The following LRRC4C variants were observed in gnomAD, a reference collection of about 807,000 sequenced individuals.
LRRC4C encodes leucine rich repeat containing 4C.
LRRC4C carries 5 observed loss-of-function variants against 33.6 expected under a neutral mutation model. That is an observed-to-expected ratio of 0.15 (90% CI 0.08 to 0.31). The LOEUF (loss-of-function observed/expected upper bound fraction) is 0.31. LRRC4C is among the 10% of genes least tolerant of loss of function. The pLI is 1.00. For synonymous variants in LRRC4C, 329 were observed against 302.0 expected (o/e 1.09, Z -0.93); for missense variants, 560 against 796.7 (o/e 0.70, Z 3.58).
At chr11:40,496,236 A>G (rs148902145) in intron 3 of LRRC4C, among the ~76,000 whole-genome samples, 10 of 151,512 alleles carry the variant, frequency 6.6e-5, no homozygotes, top group African/African-American at 2.4e-4. Flanking sequence ...AGATTTGGTT[A>G]CTCAGCTCTA....
intron 3 of LRRC4C, among the ~76,000 whole-genome samples, chr11:40,596,129 A>G (rs939946773): frequency 1.3e-5 from 2 of 152,184 alleles, no homozygotes; most frequent in African/African-American, 4.8e-5. Context: ...AAACAATGAC[A>G]GCTGGGTTGG....
At chr11:40,892,027 C>T (rs1051529334) in intron 2 of LRRC4C, among the ~76,000 whole-genome samples, 5 of 148,934 alleles carry the variant, frequency 3.4e-5, no homozygotes, top group Admixed American at 6.8e-5. Context: ...CCCAGCTACT[C>T]GGGAGGCTGA....
chr11:40,835,602 A>G (rs892907530), intron 2 of LRRC4C, among the ~76,000 whole-genome samples: 2 of 152,236 alleles, frequency 1.3e-5, no homozygotes, highest in African/African-American at 4.8e-5. Flanking sequence ...AATTTTTAGC[A>G]TATTATTGAT....
intron 1 of LRRC4C, among the ~76,000 whole-genome samples, chr11:41,071,198 A>G (rs1052498533): frequency 2.6e-5 from 4 of 152,116 alleles, no homozygotes; most frequent in Non-Finnish European, 5.9e-5. Context: ...GAGTTGAACA[A>G]TGAGAACACA....
chr11:40,234,250 A>G (rs1329592327), intron 5 of LRRC4C, among the ~76,000 whole-genome samples: 1 of 152,212 alleles, frequency 6.6e-6, no homozygotes, highest in Non-Finnish European at 1.5e-5. Context: ...ATTTTGTAGA[A>G]TTCTCTCATT....
chr11:40,802,720 A>G lies in LRRC4C; in HGVS notation c.-407+130915T>C, dbSNP rs559149767. On this transcript the variant is annotated intron_variant, in intron 2 of 6. Coordinates refer to ENST00000528697, the MANE Select transcript of LRRC4C (RefSeq NM_001258419.2). ...GAGAAAAAACAGAAATTTAAGCATTATCCCTTGAAGATAAATATCCAAATA... is the reference window on the plus strand; with the variant it reads ...GAGAAAAAACAGAAATTTAAGCATTGTCCCTTGAAGATAAATATCCAAATA... Among the ~76,000 whole-genome samples, 3 of 152,334 alleles carry G rather than the reference A, an allele frequency of 2.0e-5. No individual in the cohort carries two copies. The East Asian group carries it at 5.8e-4, about 29-fold the overall frequency.
rs182302398 is a variant in LRRC4C at position 40,311,434 on chromosome 11, A to G, written c.-176+8194T>C. On this transcript the variant is annotated intron_variant, in intron 4 of 6. Transcript: ENST00000528697. ...CGTGTACTTAATGAGTGAGTGCTCA[A>G]TGAGGACAATGACAACATTGAAAGA... Among the ~76,000 whole-genome samples, 8 of 152,316 alleles carry G rather than the reference A, an allele frequency of 5.3e-5. No homozygotes were observed. The East Asian group carries it at 1.4e-3, about 26-fold the overall frequency.
chr11:40,485,643 T>A (rs1953820529), intron 3 of LRRC4C, among the ~76,000 whole-genome samples: 1 of 151,936 alleles, frequency 6.6e-6, no homozygotes, highest in Admixed American at 6.6e-5. Context: ...AATCCAGCAA[T>A]CCCATTAATG....
chr11:40,947,101 A>G (rs1958439003), intron 1 of LRRC4C, among the ~76,000 whole-genome samples: 1 of 152,140 alleles, frequency 6.6e-6, no homozygotes, highest in African/African-American at 2.4e-5. Flanking sequence ...ATTTCATTGA[A>G]TAACCTTTGG....
chr11:40,142,277 CAAAAAAAAA>C (rs10577509), intron 5 of LRRC4C, among the ~76,000 whole-genome samples: 31 of 60,778 alleles, frequency 5.1e-4, no homozygotes, highest in Admixed American at 2.6e-3. Context: ...GATTCTGTCT[CAAAAAAAAA>C]AAAAAAAAAA....
At chr11:41,001,118 T>A (rs1253073995) in intron 1 of LRRC4C, among the ~76,000 whole-genome samples, 1 of 152,092 alleles carries the variant, frequency 6.6e-6, no homozygotes, top group East Asian at 1.9e-4. Context: ...CCAATTAATA[T>A]TTTTGACTGA....
intron 1 of LRRC4C, among the ~76,000 whole-genome samples, chr11:41,279,428 A>ACACCCCCCCCCCC (rs58139193): frequency 7.1e-6 from 1 of 140,788 alleles, no homozygotes; most frequent in African/African-American, 2.7e-5. Context: ...ACACACACAC[A>ACACCCCCCCCCCC]CCGTGGCAAT....
chr11:41,077,214 T>C (rs1939219182), intron 1 of LRRC4C, among the ~76,000 whole-genome samples: 2 of 152,150 alleles, frequency 1.3e-5, no homozygotes, highest in African/African-American at 4.8e-5. Context: ...TCTGGGGTCT[T>C]GAGGATGGTG....
At chr11:41,024,455 C>T (rs1856203205) in intron 1 of LRRC4C, among the ~76,000 whole-genome samples, 1 of 151,662 alleles carries the variant, frequency 6.6e-6, no homozygotes, top group Non-Finnish European at 1.5e-5. Context: ...AGGGATGGTT[C>T]TAAATCCTCT....
chr11:40,468,587 C>T (rs1389060956), intron 3 of LRRC4C, among the ~76,000 whole-genome samples: 2 of 152,042 alleles, frequency 1.3e-5, no homozygotes, highest in African/African-American at 2.4e-5. Flanking sequence ...GAAACAATAG[C>T]TTAAAGGCGT....
Position 40,734,957 on chromosome 11 carries a change from C to CA in LRRC4C, c.-406-86680dup, listed in dbSNP as rs200434545. On this transcript the variant is annotated intron_variant, in intron 2 of 6. Coordinates refer to ENST00000528697, the MANE Select transcript of LRRC4C (RefSeq NM_001258419.2). ...CAATCAGCTAGGGGCCCATTTAAAA[C>CA]AAAAAAAAGGAGAGAAAAAAATAAT... 1.0e-3 allele frequency among the ~76,000 whole-genome samples: 157 copies of CA among 151,112 alleles called. 2 individuals are homozygous for CA. The East Asian group carries it at 0.02, about 19-fold the overall frequency.
At chr11:40,656,389 C>G (rs1943114027) in intron 2 of LRRC4C, among the ~76,000 whole-genome samples, 1 of 151,630 alleles carries the variant, frequency 6.6e-6, no homozygotes, top group African/African-American at 2.4e-5. Context: ...TTCTGCATCA[C>G]TTCTCAACAA....
chr11:40,945,072 G>T (rs1407841580), intron 1 of LRRC4C, among the ~76,000 whole-genome samples: 3 of 144,022 alleles, frequency 2.1e-5, no homozygotes, highest in African/African-American at 8.0e-5. Context: ...TTGTCGCCCG[G>T]GCTGGAGCGC....
chr11:40,350,738 T>C (rs1565301807), intron 3 of LRRC4C, among the ~76,000 whole-genome samples: 1 of 152,114 alleles, frequency 6.6e-6, no homozygotes, highest in Non-Finnish European at 1.5e-5. Flanking sequence ...GAAATATCTT[T>C]CCATTTATTT....
Sources: allele counts gnomAD v4.1 joint callset (sites outside exome capture counted in the v4.1 genomes callset), GRCh38; gene constraint gnomAD v4.1.1; transcripts MANE v1.5; gene names NCBI Gene and HGNC (gene_info 2026-07-23, HGNC 2026-07-21).